The following SSH1 variants were observed in gnomAD, a reference collection of about 807,000 sequenced individuals.
SSH1 encodes slingshot protein phosphatase 1.
SSH1 carries 43 observed loss-of-function variants against 79.7 expected under a neutral mutation model. The observed-to-expected ratio is 0.54, with a 90% CI of 0.42 to 0.70. The LOEUF (loss-of-function observed/expected upper bound fraction) is 0.70, where lower values mean the gene tolerates loss of function less well. Among genes scored for constraint, SSH1 ranks in the 30% least tolerant of loss-of-function variants. The pLI, the probability that SSH1 is intolerant of heterozygous loss-of-function variation, is 0.00. For missense variants in SSH1, 1,206 were observed against 1,358.8 expected, an observed-to-expected ratio of 0.89 and a Z score of 1.77; for synonymous variants, 599 against 538.3, an observed-to-expected ratio of 1.11 and a Z score of -1.56.
chr12:108,819,665 C>A (rs890590215), intron 3 of SSH1, among the ~76,000 whole-genome samples: 1 of 152,014 alleles, frequency 6.6e-6, no homozygotes, highest in African/African-American at 2.4e-5. Context: ...CCCATCTCTA[C>A]AGAAAAGTAA....
At position 108,819,362 on chromosome 12, in the gene SSH1, G is replaced by A. The variant is rs1001284524; in HGVS notation, c.215-1049C>T. Among the ~76,000 whole-genome samples, 5 of 152,360 alleles carry A rather than the reference G, an allele frequency of 3.3e-5. No homozygotes were observed. The East Asian group carries it at 7.7e-4, about 23-fold the overall frequency. On this transcript the variant is annotated intron_variant, in intron 3 of 14. Coordinates refer to ENST00000326495, the MANE Select transcript of SSH1 (RefSeq NM_018984.4). The stretch of plus-strand genomic sequence containing the variant: ...CTCTTACTGGCCATGAGTCTCGCGC[G>A]AAGCAGAGACCCTGTCAGAAGAAGC...
In SSH1 at chr12:108,787,539, G is replaced by T. The variant is rs1034779046; in HGVS notation, c.*449C>A. The T allele has an allele frequency of 2.9e-5, 5 of 173,306 alleles. No individual in the cohort carries two copies. The highest frequency in any genetic ancestry group is 5.0e-5 in the Non-Finnish European group (4 of 79,978). 10.7% of individuals were successfully genotyped at this position (173,306 alleles called of 1,614,324 possible). ...CATTCGTGTGTTTTAAAAATAAAAA[G>T]CGCAGCGAGAACAGAGGTAGGACTT... On this transcript the variant is annotated 3_prime_UTR_variant, in exon 15 of 15. Coordinates refer to ENST00000326495, the MANE Select transcript of SSH1 (RefSeq NM_018984.4).
At chr12:108,832,135 A>G (rs2038489380) in intron 2 of SSH1, among the ~76,000 whole-genome samples, 1 of 152,128 alleles carries the variant, frequency 6.6e-6, no homozygotes, top group African/African-American at 2.4e-5. Context: ...TGCCTCTACA[A>G]AAAATACAAA....
intron 14 of SSH1, chr12:108,791,898 T>C (rs543344325): frequency 6.3e-6 from 8 of 1,260,514 alleles, no homozygotes; most frequent in Middle Eastern, 3.0e-4. Context: ...TGAAAAAGAA[T>C]AGTCATATAT....
At position 108,792,608 on chromosome 12, in the gene SSH1, T is replaced by C; in HGVS notation, c.1571A>G (p.Asp524Gly). ...CAGGTGGACCAAGCTGCCAGTTTCA[T>C]CCTCAGGGGAAGGCAGAAGGGGGTC... ...LSDPLLPSPE[D>G]ETGSLVHLED... The change falls in exon 14 of 15, where the codon GAT (aspartate) becomes GGT (glycine). Residue 524 changes from aspartate (D) to glycine (G), a missense_variant. Around this residue, in one of 5 missense-constraint regions of SSH1, gnomAD observed 709 missense variants for 730.6 expected, o/e 0.97. Transcript: ENST00000326495. 6.2e-7 allele frequency: 1 copy of C among 1,611,942 alleles called. No individual in the cohort carries two copies. The highest frequency in any genetic ancestry group is 8.5e-7 in the Non-Finnish European group (1 of 1,178,956).
At chr12:108,795,945 T>C (rs2036734027) in intron 13 of SSH1, among the ~76,000 whole-genome samples, 1 of 152,182 alleles carries the variant, frequency 6.6e-6, no homozygotes, top group East Asian at 1.9e-4. Context: ...TCTCGCTCTG[T>C]TGCTCAGGCT....
chr12:108,830,455 G>T (rs1249389427), intron 2 of SSH1, among the ~76,000 whole-genome samples: 3 of 152,162 alleles, frequency 2.0e-5, no homozygotes, highest in Non-Finnish European at 4.4e-5. Context: ...GAGTGAGACT[G>T]TCTCAAAAAC....
intron 2 of SSH1, chr12:108,827,249 G>C (rs1017525336): frequency 1.3e-6 from 2 of 1,541,602 alleles, no homozygotes; most frequent in African/African-American, 2.8e-5. Context: ...AGTAATCAGG[G>C]TGGTCATACG....
Position 108,788,577 on chromosome 12 carries a change from C to G in SSH1, c.2561G>C (p.Ser854Thr). The G allele has an allele frequency of 5.0e-6, 8 of 1,599,960 alleles. No individual in the cohort carries two copies. Among genetic ancestry groups the G allele is most frequent in the Non-Finnish European group, 6.8e-6 (8 of 1,171,186 alleles). ...TGGATCCTGGCTCTCCTCGGGGATG[C>G]TGGCCTCCAGCCTGCTGGCAGGGCC... Reference protein sequence around the residue: ...RDGPASRLEASIPEESQDPAA... With the variant: ...RDGPASRLEATIPEESQDPAA... The change falls in exon 15 of 15, where the codon AGC becomes ACC. Residue 854 changes from serine to threonine, a missense_variant. By Grantham distance (58) the Ser-to-Thr change is moderately conservative. Transcript: ENST00000326495.
chr12:108,839,626 C>T (rs1208508569), intron 2 of SSH1, among the ~76,000 whole-genome samples: 1 of 152,132 alleles, frequency 6.6e-6, no homozygotes, highest in Admixed American at 6.5e-5. Context: ...GGACCTTGAA[C>T]AGCCTTCTCT....
chr12:108,816,310 C>T (rs1482536419), intron 5 of SSH1, among the ~76,000 whole-genome samples: 1 of 152,234 alleles, frequency 6.6e-6, no homozygotes, highest in Non-Finnish European at 1.5e-5. Context: ...TTGCCTCATA[C>T]ACAGGAGAAT....
Position 108,807,901 on chromosome 12 carries a change from G to T in SSH1, c.537-74C>A. On this transcript the variant is annotated intron_variant, in intron 7 of 14. Transcript: ENST00000326495. This position sits in a 1 kb window ranked among gnomAD's most constrained non-coding sequence, Gnocchi z 5.2. Reference sequence around the variant, plus strand: ...CAGGGTTTTCTCCTCTGACAAAGGGGTTCAAATACGGGAAGGGAAGGGCAA... The same window carrying T: ...CAGGGTTTTCTCCTCTGACAAAGGGTTTCAAATACGGGAAGGGAAGGGCAA... 1 of 1,358,732 alleles carries T rather than the reference G, an allele frequency of 7.4e-7. No homozygotes were observed. Among genetic ancestry groups the T allele is most frequent in the Non-Finnish European group, 1.0e-6 (1 of 957,878 alleles). The allele number at this position is 1,358,732 out of a possible 1,614,324, so 84.2% of individuals were successfully genotyped here.
intron 13 of SSH1, among the ~76,000 whole-genome samples, chr12:108,794,778 G>C (rs573978548): frequency 2.0e-5 from 3 of 151,874 alleles, no homozygotes; most frequent in Non-Finnish European, 4.4e-5. Context: ...AATTCCTTGC[G>C]GTCCCCAAGA....
In SSH1 at chr12:108,783,989, A is replaced by C. The variant is rs1224290761; in HGVS notation, c.*3999T>G. The stretch of plus-strand genomic sequence containing the variant: ...GGTCCCCTCGCTGAGTTGCGTGTTT[A>C]GAGGAGCCCTGCTAGGTGGCCAGCC... On this transcript the variant is annotated 3_prime_UTR_variant, in exon 15 of 15. Coordinates refer to ENST00000326495, the MANE Select transcript of SSH1 (RefSeq NM_018984.4). 6.6e-6 allele frequency: 1 copy of C among 152,234 alleles called. No homozygotes were observed. Among genetic ancestry groups the C allele is most frequent in the East Asian group, 1.9e-4 (1 of 5,192 alleles). The allele number at this position is 152,234 out of a possible 1,614,324, so 9.4% of individuals were successfully genotyped here. A position where few individuals can be genotyped will look rare whatever the true frequency, so the allele number is the denominator to read the frequency against.
At chr12:108,838,790 G>A (rs924482343) in intron 2 of SSH1, among the ~76,000 whole-genome samples, 4 of 152,146 alleles carry the variant, frequency 2.6e-5, no homozygotes, top group African/African-American at 9.7e-5. Context: ...CTGATCTGCT[G>A]GTATTTTCAG....
chr12:108,843,483 GT>G lies in SSH1; in HGVS notation c.110+9154del, dbSNP rs151066172. ...TGTGCTCAGAGGGGCCCCGTGCTTG[GT>G]TTAATACTCTGTTGGTGCCATCTTG... is the stretch of plus-strand genomic sequence containing the variant. On this transcript the variant is annotated intron_variant, in intron 2 of 14. Transcript: ENST00000326495. Among the ~76,000 whole-genome samples, 1,312 of 152,182 alleles carry G rather than the reference GT, an allele frequency of 8.6e-3. 22 individuals are homozygous for G. Among genetic ancestry groups the G allele is most frequent in the African/African-American group, 0.03 (1,265 of 41,516 alleles).
At position 108,813,099 on chromosome 12, in the gene SSH1, C is replaced by A. The variant is rs143387045; in HGVS notation, c.402-1771G>T. ...CAGGCTGGTCTTAAACTCCTGGGCT[C>A]AAGCAGTCCTCTTGTCTCCACCTGG... On this transcript the variant is annotated intron_variant, in intron 5 of 14. Transcript: ENST00000326495. Among the ~76,000 whole-genome samples the A allele has an allele frequency of 3.8e-3, 580 of 152,048 alleles. 2 individuals are homozygous for A. The highest frequency in any genetic ancestry group is 0.013 in the African/African-American group (551 of 41,484).
intron 3 of SSH1, among the ~76,000 whole-genome samples, chr12:108,821,347 T>G (rs1334938023): frequency 2.0e-5 from 3 of 151,294 alleles, no homozygotes; most frequent in African/African-American, 7.3e-5. Flanking sequence ...TGAGCTATGA[T>G]CAGGCCACTG....
rs2036166619 is a variant in SSH1 at position 108,782,800 on chromosome 12, A to G, written c.*5188T>C. 6.6e-6 allele frequency: 1 copy of G among 152,232 alleles called. No individual in the cohort carries two copies. The highest frequency in any genetic ancestry group is 2.1e-4 in the South Asian group (1 of 4,836). 9.4% of individuals were successfully genotyped at this position (152,232 alleles called of 1,614,324 possible). On this transcript the variant is annotated 3_prime_UTR_variant, in exon 15 of 15. Transcript: ENST00000326495. ...AGTGCATTCTGCATCTTCTACTGCA[A>G]ATTCACAGTACAAAAGATACTGCCT...
Sources: gnomAD v4.1 joint callset for allele counts (sites outside exome capture counted in the v4.1 genomes callset) on GRCh38, gnomAD v4.1.1 for gene constraint, gnomAD v4.1.1 regional missense constraint, Gnocchi (gnomAD v3.1) non-coding constraint, MANE v1.5 for transcripts, NCBI Gene and HGNC (gene_info 2026-07-23, HGNC 2026-07-21) for gene names.